The following CNTLN variants were observed in gnomAD, a reference collection of about 807,000 sequenced individuals.
CNTLN encodes the protein centlein, centrosomal protein.
Under a neutral mutation model 180.0 loss-of-function variants are expected in CNTLN, and 212 were observed. The observed-to-expected ratio is 1.18, with a 90% confidence interval of 1.05 to 1.32. CNTLN has a LOEUF of 1.32. Among genes scored for constraint, CNTLN ranks in the 40% most tolerant of loss-of-function variants. CNTLN has a pLI of 0.00. For synonymous variants in CNTLN, 722 were observed against 563.1 expected (o/e 1.28, Z -3.99); for missense variants, 2,095 against 1,610.9 (o/e 1.30, Z -5.14).
chr9:17,251,950 A>C (rs529683274), intron 5 of CNTLN, among the ~76,000 whole-genome samples: 10 of 151,820 alleles, frequency 6.6e-5, no homozygotes, highest in Non-Finnish European at 1.3e-4. Flanking sequence ...ACCACGAGAT[A>C]AGGTTTTTAG....
At chr9:17,161,631 ATT>A (rs1819685731) in intron 2 of CNTLN, among the ~76,000 whole-genome samples, 1 of 152,220 alleles carries the variant, frequency 6.6e-6, no homozygotes, top group Non-Finnish European at 1.5e-5. Context: ...AAAAATTAGT[ATT>A]AGTAATACGT....
intron 2 of CNTLN, chr9:17,166,908 G>A (rs894924316): frequency 1.7e-5 from 8 of 459,810 alleles, no homozygotes; most frequent in Admixed American, 1.3e-4. Flanking sequence ...TCCAACACAT[G>A]AATAATATAA....
Position 17,315,186 on chromosome 9 carries a change from T to A in CNTLN, c.1341+5934T>A, listed in dbSNP as rs1039089881. Among the ~76,000 whole-genome samples the A allele has an allele frequency of 3.9e-5, 6 of 152,136 alleles. No homozygotes were observed. The South Asian group carries it at 1.2e-3, about 32-fold the overall frequency. On this transcript the variant is annotated intron_variant, in intron 8 of 25. Transcript: ENST00000380647. ...TATTGGGCATCATCTCACAGTGAAT[T>A]CTCTCATTTTGTATTTTTTGGATAA...
chr9:17,312,457 GC>G (rs1819258010), intron 8 of CNTLN, among the ~76,000 whole-genome samples: 1 of 147,374 alleles, frequency 6.8e-6, no homozygotes, highest in East Asian at 2.0e-4. Flanking sequence ...CGCGATCTCG[GC>G]TCACTGCAAG....
At chr9:17,349,013 G>A in intron 12 of CNTLN, among the ~76,000 whole-genome samples, 1 of 151,908 alleles carries the variant, frequency 6.6e-6, no homozygotes, top group East Asian at 1.9e-4. Context: ...TCTGTTCATT[G>A]GCACTTCTAG....
chr9:17,241,776 T>C (rs1372587836), intron 5 of CNTLN, among the ~76,000 whole-genome samples: 2 of 152,202 alleles, frequency 1.3e-5, no homozygotes, highest in Non-Finnish European at 2.9e-5. Flanking sequence ...TTAACTACTT[T>C]GGTTAATTCC....
chr9:17,284,368 T>G (rs916270391), intron 6 of CNTLN, among the ~76,000 whole-genome samples: 4 of 152,206 alleles, frequency 2.6e-5, no homozygotes, highest in Admixed American at 1.3e-4. Context: ...TCTGATAGAA[T>G]TCAGCTGTAA....
Position 17,315,169 on chromosome 9 carries a change from A to G in CNTLN, c.1341+5917A>G, listed in dbSNP as rs537098414. On this transcript the variant is annotated intron_variant, in intron 8 of 25. Coordinates refer to ENST00000380647, the MANE Select transcript of CNTLN (RefSeq NM_017738.4). ...CCTTTTAGTATTTATTTTATTGGGCATCATCTCACAGTGAATTCTCTCATT... is the reference window on the plus strand; with the variant it reads ...CCTTTTAGTATTTATTTTATTGGGCGTCATCTCACAGTGAATTCTCTCATT... Among the ~76,000 whole-genome samples the G allele has an allele frequency of 3.0e-3, 456 of 152,184 alleles. 4 individuals are homozygous for G. The highest frequency in any genetic ancestry group is 5.3e-3 in the Admixed American group (81 of 15,288).
chr9:17,502,326 C>A (rs1026065036), intron 25 of CNTLN, among the ~76,000 whole-genome samples: 1 of 152,050 alleles, frequency 6.6e-6, no homozygotes, highest in African/African-American at 2.4e-5. Flanking sequence ...TTCAATAAGG[C>A]GTTTATCTTT....
chr9:17,356,975 A>G (rs1822899196), intron 12 of CNTLN, among the ~76,000 whole-genome samples: 1 of 152,090 alleles, frequency 6.6e-6, no homozygotes, highest in South Asian at 2.1e-4. Flanking sequence ...GTGAGAATGT[A>G]TTATGAGTGT....
intron 2 of CNTLN, among the ~76,000 whole-genome samples, chr9:17,225,468 A>G (rs1162701859): frequency 1.3e-5 from 2 of 151,980 alleles, no homozygotes; most frequent in Admixed American, 6.6e-5. Flanking sequence ...AATACCATGT[A>G]TTTTATTTGT....
In CNTLN at chr9:17,307,347, C is replaced by T. The variant is rs1759615; in HGVS notation, c.1147-1711C>T. Among the ~76,000 whole-genome samples the T allele has an allele frequency of 5.1e-3, 773 of 152,092 alleles. 5 individuals carry two copies. Among genetic ancestry groups the T allele is most frequent in the African/African-American group, 0.018 (744 of 41,474 alleles). On this transcript the variant is annotated intron_variant, in intron 7 of 25. Coordinates refer to ENST00000380647, the MANE Select transcript of CNTLN (RefSeq NM_017738.4). Reference sequence around the variant, plus strand: ...GCAGTGGCACAATCTCGGCTCACTGCAGCCTCGACCTCCTGGGCTCAAGTG... The same window carrying T: ...GCAGTGGCACAATCTCGGCTCACTGTAGCCTCGACCTCCTGGGCTCAAGTG...
intron 10 of CNTLN, among the ~76,000 whole-genome samples, chr9:17,339,650 A>G (rs1469525305): frequency 6.6e-6 from 1 of 152,214 alleles, no homozygotes; most frequent in Non-Finnish European, 1.5e-5. Flanking sequence ...ATAAGTATAC[A>G]AGTTCATTCA....
intron 2 of CNTLN, among the ~76,000 whole-genome samples, chr9:17,163,060 G>A (rs977824627): frequency 9.2e-5 from 14 of 152,182 alleles, no homozygotes; most frequent in African/African-American, 2.9e-4. Flanking sequence ...GAAGGTGAAC[G>A]AGGAGCAAAG....
At chr9:17,141,828 A>C (rs1818119631) in intron 1 of CNTLN, among the ~76,000 whole-genome samples, 1 of 152,136 alleles carries the variant, frequency 6.6e-6, no homozygotes, top group Admixed American at 6.5e-5. Flanking sequence ...TCATGCCTGT[A>C]ATCCCAGCAC....
At chr9:17,305,351 C>G (rs1818634852) in intron 7 of CNTLN, among the ~76,000 whole-genome samples, 1 of 152,006 alleles carries the variant, frequency 6.6e-6, no homozygotes, top group South Asian at 2.1e-4. Context: ...AAATTCTTAT[C>G]CATTCGAGCT....
chr9:17,264,982 G>A (rs1587401587), intron 5 of CNTLN, among the ~76,000 whole-genome samples: 2 of 144,818 alleles, frequency 1.4e-5, no homozygotes, highest in Admixed American at 1.4e-4. Context: ...CATGTCATCT[G>A]CAAACAGGGA....
At chr9:17,516,349 G>T in the CNTLN span, among the ~76,000 whole-genome samples, 1 of 152,208 alleles carries the variant, frequency 6.6e-6, no homozygotes, top group Non-Finnish European at 1.5e-5. Context: ...CATTGCAAGG[G>T]TTGTGGCTGA....
intron 12 of CNTLN, among the ~76,000 whole-genome samples, chr9:17,355,530 T>C (rs1030020521): frequency 6.6e-6 from 1 of 152,222 alleles, no homozygotes; most frequent in African/African-American, 2.4e-5. Flanking sequence ...CAGAGATTTA[T>C]CCTCATGTTT....
Sources: gnomAD v4.1 joint callset for allele counts (sites outside exome capture counted in the v4.1 genomes callset) on GRCh38, gnomAD v4.1.1 for gene constraint, MANE v1.5 for transcripts, NCBI Gene and HGNC (gene_info 2026-07-23, HGNC 2026-07-21) for gene names.